UBE2E2: variants seen among roughly 807,000 people sequenced by gnomAD.
UBE2E2 encodes ubiquitin conjugating enzyme E2 E2.
In UBE2E2, 6 loss-of-function variants were observed where a neutral mutation model predicts 24.7. That is an observed-to-expected ratio of 0.24 (90% CI 0.13 to 0.48). UBE2E2 has a LOEUF of 0.48. Among genes scored for constraint, UBE2E2 ranks in the 20% least tolerant of loss-of-function variants. The probability of loss-of-function intolerance (pLI) is 0.99; values close to 1 mark genes in which losing one functional copy is unlikely to be tolerated. For synonymous variants in UBE2E2, 104 were observed against 83.6 expected (o/e 1.24, Z -1.33); for missense variants, 169 against 245.0 (o/e 0.69, Z 2.07).
At chr3:23,521,698 T>C (rs1694872088) in intron 4 of UBE2E2, among the ~76,000 whole-genome samples, 1 of 152,118 alleles carries the variant, frequency 6.6e-6, no homozygotes, top group African/African-American at 2.4e-5. Context: ...CCTTAAAACA[T>C]GATAAGGTTT....
At chr3:23,309,925 A>G (rs1329304755) in intron 3 of UBE2E2, among the ~76,000 whole-genome samples, 1 of 152,146 alleles carries the variant, frequency 6.6e-6, no homozygotes, top group African/African-American at 2.4e-5. Flanking sequence ...GTGGAGGAAG[A>G]TGGAGAGGAA....
intron 3 of UBE2E2, among the ~76,000 whole-genome samples, chr3:23,343,860 G>T (rs1439957854): frequency 6.6e-6 from 1 of 152,136 alleles, no homozygotes; most frequent in East Asian, 1.9e-4. Flanking sequence ...TATTGTTTGA[G>T]ATTCGTACTT....
At chr3:23,510,462 C>T (rs1431422683) in intron 4 of UBE2E2, among the ~76,000 whole-genome samples, 4 of 152,042 alleles carry the variant, frequency 2.6e-5, no homozygotes, top group Non-Finnish European at 5.9e-5. Context: ...CAAAAATTAG[C>T]CAGGCTTGGT....
intron 3 of UBE2E2, among the ~76,000 whole-genome samples, chr3:23,297,819 T>C (rs1698954598): frequency 6.6e-6 from 1 of 152,164 alleles, no homozygotes; most frequent in African/African-American, 2.4e-5. Flanking sequence ...TCCAATTCTG[T>C]GAAAAAAGTC....
chr3:23,576,073 G>C (rs975392884), intron 5 of UBE2E2, among the ~76,000 whole-genome samples: 1 of 152,044 alleles, frequency 6.6e-6, no homozygotes, highest in Admixed American at 6.6e-5. Context: ...AAGGTGGAAG[G>C]GGGTATTGAG....
intron 5 of UBE2E2, among the ~76,000 whole-genome samples, chr3:23,572,022 A>G (rs1696243092): frequency 6.6e-6 from 1 of 152,192 alleles, no homozygotes; most frequent in Non-Finnish European, 1.5e-5. Flanking sequence ...TCTCCTTGGA[A>G]TTTGGGATAG....
chr3:23,236,719 C>T (rs1697123283), intron 3 of UBE2E2, among the ~76,000 whole-genome samples: 2 of 152,078 alleles, frequency 1.3e-5, no homozygotes, highest in Non-Finnish European at 2.9e-5. Flanking sequence ...ATCTGGAGAA[C>T]AGGAAAGACT....
chr3:23,475,820 A>G (rs1457066088), intron 3 of UBE2E2, among the ~76,000 whole-genome samples: 1 of 152,086 alleles, frequency 6.6e-6, no homozygotes, highest in African/African-American at 2.4e-5. Flanking sequence ...ACAGGCAAGA[A>G]TGCTAGGTAC....
intron 5 of UBE2E2, among the ~76,000 whole-genome samples, chr3:23,561,734 C>T (rs1283243414): frequency 2.0e-5 from 3 of 151,950 alleles, no homozygotes; most frequent in Non-Finnish European, 4.4e-5. Context: ...TGTTTGTGTC[C>T]TCTTTTATTT....
chr3:23,558,195 C>T (rs538215088), intron 5 of UBE2E2, among the ~76,000 whole-genome samples: 4 of 152,302 alleles, frequency 2.6e-5, no homozygotes, highest in African/African-American at 9.6e-5. Flanking sequence ...TTCACCATGA[C>T]TTCAAACTAG....
In UBE2E2 at chr3:23,382,411, A is replaced by G. The variant is rs368848819; in HGVS notation, c.228-117197A>G. On this transcript the variant is annotated intron_variant, in intron 3 of 5. Transcript: ENST00000396703. ...TGGCCAGGCTGGTCTTGAACTCCCA[A>G]CCTCGGGTAATCCGCCCACCTCAGC... Among the ~76,000 whole-genome samples the G allele has an allele frequency of 5.3e-5, 8 of 152,046 alleles. No individual in the cohort carries two copies. The South Asian group carries it at 1.5e-3, about 28-fold the overall frequency.
At chr3:23,367,994 C>T (rs748019746) in intron 3 of UBE2E2, among the ~76,000 whole-genome samples, 16 of 151,994 alleles carry the variant, frequency 1.1e-4, no homozygotes, top group East Asian at 1.9e-4. Context: ...TGTGGTTTTC[C>T]GTACACAGAA....
intron 4 of UBE2E2, among the ~76,000 whole-genome samples, chr3:23,528,044 G>A (rs1695040519): frequency 6.6e-6 from 1 of 152,198 alleles, no homozygotes; most frequent in Admixed American, 6.5e-5. Context: ...GAAGTGAGAA[G>A]CAGTCTTGTG....
rs537067040 is a variant in UBE2E2 at position 23,275,158 on chromosome 3, A to G, written c.227+57846A>G. 2.6e-5 allele frequency among the ~76,000 whole-genome samples: 4 copies of G among 152,332 alleles called. No individual in the cohort carries two copies. The East Asian group carries it at 7.7e-4, about 29-fold the overall frequency. On this transcript the variant is annotated intron_variant, in intron 3 of 5. Coordinates refer to ENST00000396703, the MANE Select transcript of UBE2E2 (RefSeq NM_152653.4). The stretch of plus-strand genomic sequence containing the variant: ...TGTGCTTAACAATTACTGTCAGTTA[A>G]TTTAATTGCGTTGTGGGAAAGGCTG...
intron 3 of UBE2E2, among the ~76,000 whole-genome samples, chr3:23,450,633 T>A (rs1262910967): frequency 6.6e-6 from 1 of 152,194 alleles, no homozygotes; most frequent in Non-Finnish European, 1.5e-5. Flanking sequence ...TTTAGTTACC[T>A]TATGATATTA....
At chr3:23,383,384 G>T (rs1696723852) in intron 3 of UBE2E2, among the ~76,000 whole-genome samples, 1 of 152,090 alleles carries the variant, frequency 6.6e-6, no homozygotes, top group South Asian at 2.1e-4. Flanking sequence ...AGCAAATGAT[G>T]ATTAAATTTA....
intron 3 of UBE2E2, among the ~76,000 whole-genome samples, chr3:23,334,304 A>ATT (rs112790988): frequency 1.0e-4 from 15 of 148,994 alleles, no homozygotes; most frequent in African/African-American, 2.5e-4. Context: ...GATTTATTGT[A>ATT]TTTTTTTTTT....
chr3:23,505,745 A>G (rs1694434864), intron 4 of UBE2E2, among the ~76,000 whole-genome samples: 1 of 152,220 alleles, frequency 6.6e-6, no homozygotes, highest in Non-Finnish European at 1.5e-5. Context: ...GTTATTTTTT[A>G]TAAAGTCTAA....
At chr3:23,400,613 C>T (rs963767886) in intron 3 of UBE2E2, among the ~76,000 whole-genome samples, 1 of 145,456 alleles carries the variant, frequency 6.9e-6, no homozygotes, top group Non-Finnish European at 1.5e-5. Context: ...ATGAAACACA[C>T]ACACACACAC....
Sources: allele counts gnomAD v4.1 joint callset (sites outside exome capture counted in the v4.1 genomes callset), GRCh38; gene constraint gnomAD v4.1.1; transcripts MANE v1.5; gene names NCBI Gene and HGNC (gene_info 2026-07-23, HGNC 2026-07-21).